The following AGAP1 variants were observed in gnomAD, a reference collection of about 807,000 sequenced individuals.
The protein encoded by AGAP1 is arf-GAP with GTPase, ANK repeat and PH domain-containing protein 1.
AGAP1 carries 29 observed loss-of-function variants against 105.3 expected under a neutral mutation model. The ratio of observed to expected loss-of-function variants is 0.28; its 90% CI spans 0.21 to 0.38. The LOEUF (loss-of-function observed/expected upper bound fraction) is 0.38. Among genes scored for constraint, AGAP1 ranks in the 10% least tolerant of loss-of-function variants. The probability of loss-of-function intolerance (pLI) is 1.00; values close to 1 mark genes in which losing one functional copy is unlikely to be tolerated. For synonymous variants in AGAP1, 509 were observed against 485.9 expected (o/e 1.05, Z -0.63); for missense variants, 998 against 1,165.1 (o/e 0.86, Z 2.09).
intron 1 of AGAP1, among the ~76,000 whole-genome samples, chr2:235,619,139 T>G (rs1946395946): frequency 6.6e-6 from 1 of 152,186 alleles, no homozygotes; most frequent in Admixed American, 6.5e-5. Flanking sequence ...CCATGTCGAT[T>G]TTAGACCTTG....
intron 10 of AGAP1, among the ~76,000 whole-genome samples, chr2:235,892,899 A>G (rs1183704273): frequency 2.0e-5 from 3 of 152,240 alleles, no homozygotes; most frequent in African/African-American, 7.2e-5. Flanking sequence ...AGATTTTCAG[A>G]TGTGAAGCTG....
At chr2:235,722,962 G>A (rs183898869) in intron 3 of AGAP1, among the ~76,000 whole-genome samples, 79 of 152,202 alleles carry the variant, frequency 5.2e-4, no homozygotes, top group African/African-American at 1.7e-3. Flanking sequence ...GCGTTGGGCC[G>A]CATCCAAAGC....
intron 6 of AGAP1, among the ~76,000 whole-genome samples, chr2:235,782,306 CAG>C (rs1956315810): frequency 6.6e-6 from 1 of 151,234 alleles, no homozygotes; most frequent in East Asian, 1.9e-4. Flanking sequence ...GTTTTGAAAA[CAG>C]AGGTAATGTC....
intron 1 of AGAP1, among the ~76,000 whole-genome samples, chr2:235,628,797 C>G (rs1034419233): frequency 6.6e-6 from 1 of 151,920 alleles, no homozygotes; most frequent in Non-Finnish European, 1.5e-5. Flanking sequence ...CCCAAGTCCC[C>G]GAAGTCCATG....
At chr2:236,049,336 C>A in intron 16 of AGAP1, 55 bp downstream of exon 16, 1 of 1,525,022 alleles carries the variant, frequency 6.6e-7, no homozygotes, top group Admixed American at 1.7e-5. Context: ...AGTTAGGCAA[C>A]TGGAAGTGAT....
At chr2:235,851,908 C>T (rs1234368755) in intron 9 of AGAP1, among the ~76,000 whole-genome samples, 1 of 152,122 alleles carries the variant, frequency 6.6e-6, no homozygotes, top group East Asian at 1.9e-4. Context: ...GTATTTCTCT[C>T]CCAGACCCTC....
intron 10 of AGAP1, among the ~76,000 whole-genome samples, chr2:235,895,162 C>T (rs2050742712): frequency 1.3e-5 from 2 of 152,214 alleles, no homozygotes; most frequent in South Asian, 4.1e-4. Flanking sequence ...TTTTCCAAAA[C>T]CTGTAGGCTG....
chr2:235,679,562 C>T (rs1477542115), intron 1 of AGAP1, among the ~76,000 whole-genome samples: 1 of 152,070 alleles, frequency 6.6e-6, no homozygotes, highest in Admixed American at 6.5e-5. Flanking sequence ...TGGCTTAATC[C>T]CCTTCCCACT....
rs537295773 is a variant in AGAP1 at position 235,983,126 on chromosome 2, G to T, written c.1645+14503G>T. 3.5e-4 allele frequency among the ~76,000 whole-genome samples: 53 copies of T among 152,310 alleles called. 1 individual carries two copies. The South Asian group carries it at 0.011, about 31-fold the overall frequency. The stretch of plus-strand genomic sequence containing the variant: ...TGCTGAGCAGGAAGCTGGCCTCAGG[G>T]GTCTCCCAGGATGCTGGGGCTGGTG... On this transcript the variant is annotated intron_variant, in intron 13 of 17. Coordinates refer to ENST00000304032, the MANE Select transcript of AGAP1 (RefSeq NM_001037131.3). The surrounding 1 kb of genome is among the most constrained non-coding windows in gnomAD (Gnocchi z 4.5).
chr2:235,860,121 A>G (rs1380078057), intron 9 of AGAP1, among the ~76,000 whole-genome samples: 2 of 152,160 alleles, frequency 1.3e-5, no homozygotes, highest in African/African-American at 4.8e-5. Flanking sequence ...CTTGTATCTT[A>G]CACTGAAAGA....
At chr2:235,966,277 G>T (rs527921182) in intron 12 of AGAP1, among the ~76,000 whole-genome samples, 2 of 139,230 alleles carry the variant, frequency 1.4e-5, no homozygotes, top group East Asian at 4.5e-4. Flanking sequence ...AGGAGAGGGG[G>T]GCCTGTTCCT....
chr2:235,915,702 T>G (rs1179534031), intron 11 of AGAP1, among the ~76,000 whole-genome samples: 1 of 152,108 alleles, frequency 6.6e-6, no homozygotes, highest in East Asian at 1.9e-4. Flanking sequence ...GAAAATACTA[T>G]AGGAGAAAAA....
Position 235,734,771 on chromosome 2 carries a change from G to T in AGAP1, c.311-6192G>T, listed in dbSNP as rs2149628292. On this transcript the variant is annotated intron_variant, in intron 3 of 17. Transcript: ENST00000304032. This position sits in a 1 kb window ranked among gnomAD's most constrained non-coding sequence, Gnocchi z 5.3. ...GCAAAACGCAGCAAACACGGAGGCT[G>T]CCGGCTTTGTTTCTGTAGGGCTTGT... Among the ~76,000 whole-genome samples the T allele has an allele frequency of 6.6e-6, 1 of 152,360 alleles. No homozygotes were observed. Among genetic ancestry groups the T allele is most frequent in the Middle Eastern group, 3.4e-3 (1 of 294 alleles).
intron 9 of AGAP1, among the ~76,000 whole-genome samples, chr2:235,848,104 T>A (rs957095772): frequency 2.0e-5 from 3 of 152,196 alleles, no homozygotes; most frequent in Non-Finnish European, 2.9e-5. Context: ...CCGGTTACAC[T>A]CTCTGTCACT....
At chr2:235,669,800 C>T (rs937375002) in intron 1 of AGAP1, 2 of 147,976 alleles carry the variant, frequency 1.4e-5, no homozygotes, top group Admixed American at 6.7e-5. Context: ...GCCGCCTGCC[C>T]TGGGCCCTGC....
At chr2:235,537,817 G>GT (rs970210678) in intron 1 of AGAP1, among the ~76,000 whole-genome samples, 12 of 151,206 alleles carry the variant, frequency 7.9e-5, no homozygotes, top group African/African-American at 1.9e-4. Context: ...TGTGTTTTGT[G>GT]TTTTTTTTTC....
intron 1 of AGAP1, chr2:235,669,538 A>C (rs565111842): frequency 1.5e-3 from 223 of 147,948 alleles, no homozygotes; most frequent in Middle Eastern, 3.6e-3. Flanking sequence ...GGACTCGGCC[A>C]GCCCGGCTGG....
rs181797733 is a variant in AGAP1, at chr2:236,040,733, G to T, written c.1801-18G>T. 6.2e-7 allele frequency: 1 copy of T among 1,612,446 alleles called. No homozygotes were observed. Among genetic ancestry groups the T allele is most frequent in the African/African-American group, 1.3e-5 (1 of 74,858 alleles). On this transcript the variant is annotated intron_variant, in intron 14 of 17. Coordinates refer to ENST00000304032, the MANE Select transcript of AGAP1 (RefSeq NM_001037131.3). This position sits in a 1 kb window ranked among gnomAD's most constrained non-coding sequence, Gnocchi z 5.6. ...CGGGGTGCTTACGCCTTGTATTTGTGTCTTCCTCCGTGCCCAGTCCCGGCT... is the reference window on the plus strand; with the variant it reads ...CGGGGTGCTTACGCCTTGTATTTGTTTCTTCCTCCGTGCCCAGTCCCGGCT...
chr2:236,021,895 CA>C (rs746324952), intron 13 of AGAP1, among the ~76,000 whole-genome samples: 1 of 151,586 alleles, frequency 6.6e-6, no homozygotes, highest in Non-Finnish European at 1.5e-5. Flanking sequence ...CCCTTCTCTA[CA>C]AAAAATACAA....
Sources: gnomAD v4.1 joint callset for allele counts (sites outside exome capture counted in the v4.1 genomes callset) on GRCh38, gnomAD v4.1.1 for gene constraint, Gnocchi (gnomAD v3.1) non-coding constraint, MANE v1.5 for transcripts, NCBI Gene and HGNC (gene_info 2026-07-23, HGNC 2026-07-21) for gene names.